PRKCA: variants seen among roughly 807,000 people sequenced by gnomAD.
PRKCA encodes protein kinase C alpha.
Under a neutral mutation model 87.0 loss-of-function variants are expected in PRKCA, and 27 were observed. That is an observed-to-expected ratio of 0.31 (90% confidence interval 0.23 to 0.43). PRKCA has a LOEUF of 0.43. PRKCA is among the 20% of genes least tolerant of loss of function. PRKCA has a pLI of 1.00. For missense variants in PRKCA, 518 were observed against 852.3 expected (o/e 0.61, Z 4.88); for synonymous variants, 329 against 311.1 (o/e 1.06, Z -0.61).
chr17:66,727,210 T>C (rs1390344793), intron 8 of PRKCA, among the ~76,000 whole-genome samples: 1 of 151,566 alleles, frequency 6.6e-6, no homozygotes, highest in Non-Finnish European at 1.5e-5. Flanking sequence ...GTGAAAAATA[T>C]GGAGATTTAT....
At chr17:66,595,333 T>C (rs1969939596) in intron 3 of PRKCA, among the ~76,000 whole-genome samples, 1 of 152,064 alleles carries the variant, frequency 6.6e-6, no homozygotes, top group Non-Finnish European at 1.5e-5. Context: ...GCACCTGGCC[T>C]TCCCTCACTT....
At chr17:66,439,099 T>C (rs1913571686) in intron 2 of PRKCA, among the ~76,000 whole-genome samples, 1 of 152,216 alleles carries the variant, frequency 6.6e-6, no homozygotes, top group African/African-American at 2.4e-5. Flanking sequence ...CTGAGCGCTT[T>C]ATATTCTGTG....
At chr17:66,734,086 C>T (rs1430077688) in intron 9 of PRKCA, among the ~76,000 whole-genome samples, 1 of 152,196 alleles carries the variant, frequency 6.6e-6, no homozygotes, top group East Asian at 1.9e-4. Context: ...GCCATGCCAG[C>T]TGGGCCCTGA....
chr17:66,436,593 A>G (rs751818044), intron 2 of PRKCA, among the ~76,000 whole-genome samples: 14 of 152,234 alleles, frequency 9.2e-5, no homozygotes, highest in Non-Finnish European at 1.9e-4. Context: ...GGATAAGTCT[A>G]GATTTGGGAA....
At chr17:66,733,165 AAAG>A (rs1236419987) in intron 9 of PRKCA, among the ~76,000 whole-genome samples, 8 of 152,006 alleles carry the variant, frequency 5.3e-5, no homozygotes, top group Non-Finnish European at 1.0e-4. Flanking sequence ...AAAAAAAAAA[AAAG>A]ATTTCCCTGT....
chr17:66,368,386 A>AT (rs1180540465), intron 2 of PRKCA, among the ~76,000 whole-genome samples: 76 of 25,460 alleles, frequency 3.0e-3, no homozygotes, highest in East Asian at 0.013. Flanking sequence ...ATATATATAT[A>AT]TTTTTTTTTT....
chr17:66,637,364 G>A (rs1030047469), intron 3 of PRKCA, among the ~76,000 whole-genome samples: 1 of 152,072 alleles, frequency 6.6e-6, no homozygotes, highest in Non-Finnish European at 1.5e-5. Flanking sequence ...CATATTCTGC[G>A]CCCTCCGCAC....
chr17:66,423,338 T>G (rs2143799875), intron 2 of PRKCA, among the ~76,000 whole-genome samples: 1 of 152,336 alleles, frequency 6.6e-6, no homozygotes, highest in African/African-American at 2.4e-5. Context: ...TGAAAAGTTG[T>G]GCTTAACATG....
chr17:66,508,929 C>T (rs750162216), intron 3 of PRKCA, among the ~76,000 whole-genome samples: 3 of 152,204 alleles, frequency 2.0e-5, no homozygotes, highest in Non-Finnish European at 4.4e-5. Context: ...TCACAGCGGC[C>T]TCACTGGCTG....
At position 66,340,377 on chromosome 17, in the gene PRKCA, T is replaced by TTCC. The variant is rs1415678358; in HGVS notation, c.205+34251_205+34252insCCT. 5.2e-3 allele frequency among the ~76,000 whole-genome samples: 672 copies of TTCC among 130,398 alleles called. 22 individuals are homozygous for TTCC. Among genetic ancestry groups the TTCC allele is most frequent in the Admixed American group, 0.047 (598 of 12,832 alleles). 85.5% of individuals were successfully genotyped at this position (130,398 alleles called of 152,430 possible). ...AGGGTGTTTGGTTTCTTTTTTTTTTTTTCTTTTTTTTTTTTGGCTTGTTTG... is the reference window on the plus strand; with the variant it reads ...AGGGTGTTTGGTTTCTTTTTTTTTTTTCCTTCTTTTTTTTTTTTGGCTTGTTTG... On this transcript the variant is annotated intron_variant, in intron 2 of 16. Transcript: ENST00000413366.
intron 2 of PRKCA, among the ~76,000 whole-genome samples, chr17:66,442,654 A>G (rs79140692): frequency 0.12 from 18,269 of 151,890 alleles, 1,220 homozygotes; most frequent in Middle Eastern, 0.19. Flanking sequence ...TGTAATGCAG[A>G]ATTTTGTTTG....
At chr17:66,665,480 G>A (rs1972018679) in intron 5 of PRKCA, among the ~76,000 whole-genome samples, 1 of 148,368 alleles carries the variant, frequency 6.7e-6, no homozygotes, top group South Asian at 2.2e-4. Flanking sequence ...TGGGCTTGGG[G>A]CTGAGTGTAG....
chr17:66,616,881 G>A (rs1970532550), intron 3 of PRKCA, among the ~76,000 whole-genome samples: 2 of 151,938 alleles, frequency 1.3e-5, no homozygotes, highest in Admixed American at 1.3e-4. Context: ...GCAATGGGAA[G>A]CTAGCAGGGG....
chr17:66,577,938 G>GCC (rs1478150456), intron 3 of PRKCA, among the ~76,000 whole-genome samples: 37 of 151,998 alleles, frequency 2.4e-4, no homozygotes, highest in African/African-American at 8.2e-4. Context: ...CTGTCACCCT[G>GCC]CCACCCCCTC....
intron 2 of PRKCA, among the ~76,000 whole-genome samples, chr17:66,459,346 A>C (rs1326647545): frequency 1.3e-5 from 2 of 152,148 alleles, no homozygotes; most frequent in Non-Finnish European, 2.9e-5. Flanking sequence ...ATGTTATTGC[A>C]CTCCAGCCTG....
At chr17:66,612,257 T>C (rs1970389217) in intron 3 of PRKCA, among the ~76,000 whole-genome samples, 1 of 151,730 alleles carries the variant, frequency 6.6e-6, no homozygotes, top group African/African-American at 2.4e-5. Flanking sequence ...GGCAGGCGCC[T>C]GTAATCCCAG....
intron 2 of PRKCA, among the ~76,000 whole-genome samples, chr17:66,351,073 T>TG (rs1190899585): frequency 2.6e-5 from 4 of 152,254 alleles, no homozygotes; most frequent in African/African-American, 9.6e-5. Context: ...GAAGAAACTC[T>TG]GAGTGGACAG....
At chr17:66,741,600 A>G in intron 11 of PRKCA, 59 bp from the exon 12 acceptor site, 1 of 1,545,144 alleles carries the variant, frequency 6.5e-7, no homozygotes, top group Non-Finnish European at 8.9e-7. Flanking sequence ...TTGAGAATGT[A>G]AAGTATACAG....
chr17:66,369,396 G>A (rs561866312), intron 2 of PRKCA, among the ~76,000 whole-genome samples: 1 of 152,272 alleles, frequency 6.6e-6, no homozygotes, highest in South Asian at 2.1e-4. Flanking sequence ...GGACCTGGGG[G>A]AGGAGGAGGG....
Sources: gnomAD v4.1 joint callset for allele counts (sites outside exome capture counted in the v4.1 genomes callset) on GRCh38, gnomAD v4.1.1 for gene constraint, MANE v1.5 for transcripts, NCBI Gene and HGNC (gene_info 2026-07-23, HGNC 2026-07-21) for gene names.